The following MYOM3 variants were observed in gnomAD, a reference collection of about 807,000 sequenced individuals.
The protein encoded by MYOM3 is myomesin 3, also known as myomesin-3.
MYOM3 carries 155 observed loss-of-function variants against 191.7 expected under a neutral mutation model. The ratio of observed to expected loss-of-function variants is 0.81; its 90% CI spans 0.71 to 0.92. MYOM3 has a LOEUF of 0.92. Ranked by LOEUF, MYOM3 falls within the 40% of genes least tolerant of loss-of-function variation. The pLI, the probability that MYOM3 is intolerant of heterozygous loss-of-function variation, is 0.00. For synonymous variants in MYOM3, 757 were observed against 762.9 expected (o/e 0.99, Z 0.13); for missense variants, 1,889 against 1,890.6 (o/e 1.00, Z 0.02).
rs1290222370 is a variant in MYOM3 at position 24,099,739 on chromosome 1, A to G, written c.597T>C (p.Phe199=). Residue 199 remains phenylalanine (F), a synonymous_variant, in exon 6 of 37, where the codon TTT becomes TTC. Transcript: ENST00000374434. ...TGGTGATTCGGTATTTTCCGGCACG[A>G]AAGAGGCGGGGATCAATCCGTGTGT... ...KNDTRIDPRL[F]RAGKYRITNN... 1.9e-6 allele frequency: 3 copies of G among 1,614,016 alleles called. No homozygotes were observed. Among genetic ancestry groups the G allele is most frequent in the African/African-American group, 1.3e-5 (1 of 74,906 alleles).
chr1:24,073,007 T>C (rs1643550512), intron 23 of MYOM3, among the ~76,000 whole-genome samples: 1 of 152,196 alleles, frequency 6.6e-6, no homozygotes, highest in African/African-American at 2.4e-5. Flanking sequence ...ACTATGAGTC[T>C]AGATTCATGG....
In MYOM3 at chr1:24,093,094, A is replaced by C; in HGVS notation, c.943T>G (p.Ser315Ala). The C allele has an allele frequency of 1.2e-6, 2 of 1,608,522 alleles. No individual in the cohort carries two copies. The highest frequency in any genetic ancestry group is 1.7e-5 in the Admixed American group (1 of 59,774). ...TAGAGGATCTTCCGACGTCTCGAGG[A>C]CCTCAGTAGGCTCCCTGTGGAGGGG... ...QWFRDGSLLR[S>A]SRRRKILYTD... Residue 315 changes from serine (S) to alanine (A), a missense_variant, in exon 10 of 37, where the codon TCC becomes GCC. By Grantham distance (99) the Ser-to-Ala change is moderately conservative (BLOSUM62 1). Coordinates refer to ENST00000374434, the MANE Select transcript of MYOM3 (RefSeq NM_152372.4).
chr1:24,097,160 G>A (rs1477887739), intron 7 of MYOM3, among the ~76,000 whole-genome samples: 1 of 152,218 alleles, frequency 6.6e-6, no homozygotes, highest in East Asian at 1.9e-4. Context: ...CCCACATGGG[G>A]CAGTGGGGGT....
Position 24,080,021 on chromosome 1 carries a change from G to T in MYOM3, c.2581C>A (p.Leu861Met). 1 of 1,610,118 alleles carries T rather than the reference G, an allele frequency of 6.2e-7. No homozygotes were observed. The highest frequency in any genetic ancestry group is 8.5e-7 in the Non-Finnish European group (1 of 1,178,254). The change falls in exon 20 of 37, where the codon CTG (leucine) becomes ATG (methionine). Residue 861 changes from leucine to methionine, a missense_variant. Leu to Met is a conservative substitution (Grantham distance 15). Transcript: ENST00000374434. ...ATGAAGGCATAAGAACTTACCCTCA[G>T]GTGGGTGCCAGAGATGGGGCCTGGG... ...VTPGPISGTH[L>M]RVSDLQPGKS...
rs749335960 is a variant in MYOM3 at position 24,063,536 on chromosome 1, G to C, written c.3623-6C>G. 1.2e-6 allele frequency: 2 copies of C among 1,614,102 alleles called. No homozygotes were observed. The highest frequency in any genetic ancestry group is 1.7e-6 in the Non-Finnish European group (2 of 1,179,990). On this transcript the variant is annotated splice_polypyrimidine_tract_variant and splice_region_variant and intron_variant, in intron 30 of 36. Coordinates refer to ENST00000374434, the MANE Select transcript of MYOM3 (RefSeq NM_152372.4). The surrounding 1 kb of genome is among the most constrained non-coding windows in gnomAD (Gnocchi z 4.5). ...GGTGAAGATGGCATCCAGGGCTGGC[G>C]GGAAACAGAGAGAAGGGTTAGCTGG...
At position 24,072,022 on chromosome 1, in the gene MYOM3, G is replaced by A. The variant is rs571471072; in HGVS notation, c.2969-9C>T. 2.5e-6 allele frequency: 4 copies of A among 1,613,992 alleles called. No homozygotes were observed. In the African/African-American group the frequency reaches 4.0e-5, roughly 16 times the overall value. On this transcript the variant is annotated splice_polypyrimidine_tract_variant and intron_variant, in intron 23 of 36. Coordinates refer to ENST00000374434, the MANE Select transcript of MYOM3 (RefSeq NM_152372.4). The stretch of plus-strand genomic sequence containing the variant: ...CTTCAGCTTCTCCAGCTCTGGGATA[G>A]GGGGAAGTGAGGAAGAAACCAGAGA...
intron 6 of MYOM3, 100 bp downstream of exon 6, chr1:24,099,580 G>A (rs1322454357): frequency 6.6e-6 from 6 of 913,882 alleles, no homozygotes; most frequent in African/African-American, 1.6e-5. Context: ...TGAAGGAGGT[G>A]AACTTGGGCC....
At position 24,108,528 on chromosome 1, in the gene MYOM3, G is replaced by A; in HGVS notation, c.109C>T (p.Gln37Ter). 6.3e-7 allele frequency: 1 copy of A among 1,579,918 alleles called. No individual in the cohort carries two copies. Among genetic ancestry groups the A allele is most frequent in the Admixed American group, 1.8e-5 (1 of 54,796 alleles). The change falls in exon 2 of 37, where the codon CAG (glutamine) becomes TAG (stop). Residue 37 changes from glutamine (Q) to a stop codon, truncating the protein, a stop_gained. Coordinates refer to ENST00000374434, the MANE Select transcript of MYOM3 (RefSeq NM_152372.4). LOFTEE classifies it high-confidence loss of function. ...GAGGAGCCCATGCGCAGGCTGTGCTGCCGCTCCTCCTTCTGCTCCTCCTCC... is the reference window on the plus strand; with the variant it reads ...GAGGAGCCCATGCGCAGGCTGTGCTACCGCTCCTCCTTCTGCTCCTCCTCC... ...RQEEEQKEER[Q>*]HSLRMGSSVR...
chr1:24,067,435 C>CTTTGA (rs1643463948), intron 27 of MYOM3, among the ~76,000 whole-genome samples: 1 of 108,436 alleles, frequency 9.2e-6, no homozygotes, highest in Non-Finnish European at 1.9e-5. Flanking sequence ...TCCTTCCTTC[C>CTTTGA]TTCCTTCCTT....
At chr1:24,075,275 T>G (rs974183253) in intron 22 of MYOM3, 44 bp downstream of exon 22, 1 of 1,601,958 alleles carries the variant, frequency 6.2e-7, no homozygotes, top group East Asian at 2.2e-5. Context: ...TCTGACAGTA[T>G]TTGGGTCCCG....
At chr1:24,108,104 C>T (rs1644000333) in intron 2 of MYOM3, 31 bp from the exon 3 acceptor site, 2 of 1,606,134 alleles carry the variant, frequency 1.2e-6, no homozygotes, top group South Asian at 1.1e-5. Flanking sequence ...GTAAATGGCT[C>T]TTGCAGGATT....
Position 24,093,031 on chromosome 1 carries a change from A to C in MYOM3, c.1006T>G (p.Tyr336Asp). 2 of 1,613,064 alleles carry C rather than the reference A, an allele frequency of 1.2e-6. No individual in the cohort carries two copies. The highest frequency in any genetic ancestry group is 2.2e-5 in the South Asian group (2 of 91,022). ...ATGTAGAGCCCCTCGTCCTCCTTGT[A>C]GGTGCAGGACACCTTCAGGGATGCC... The part of the protein sequence containing the change: ...RQASLKVSCT[Y>D]KEDEGLYMVR... The change falls in exon 10 of 37, where the codon TAC (tyrosine) becomes GAC (aspartate). Residue 336 changes from tyrosine (Y) to aspartate (D), a missense_variant. Tyr to Asp is a radical substitution (Grantham distance 160). Transcript: ENST00000374434.
At position 24,063,116 on chromosome 1, in the gene MYOM3, G is replaced by A. The variant is rs759450660; in HGVS notation, c.3770+10C>T. ...AGCCTGGCTGGGGTTCTGGGGCAAG[G>A]CGGACTTACTTGTGGAACCAGGTGG... On this transcript the variant is annotated intron_variant, in intron 32 of 36. Coordinates refer to ENST00000374434, the MANE Select transcript of MYOM3 (RefSeq NM_152372.4). The surrounding 1 kb of genome is among the most constrained non-coding windows in gnomAD (Gnocchi z 4.5). 111 of 1,590,182 alleles carry A rather than the reference G, an allele frequency of 7.0e-5. No homozygotes were observed. The highest frequency in any genetic ancestry group is 9.0e-5 in the Non-Finnish European group (104 of 1,159,258).
intron 29 of MYOM3, chr1:24,064,373 G>A: frequency 1.9e-6 from 1 of 531,352 alleles, no homozygotes; most frequent in Non-Finnish European, 3.4e-6. Context: ...CTAGCTCGGG[G>A]CTTGTCTGGG....
chr1:24,092,325 G>C lies in MYOM3; in HGVS notation c.1091-10C>G. On this transcript the variant is annotated splice_polypyrimidine_tract_variant and intron_variant, in intron 10 of 36. Transcript: ENST00000374434. Reference sequence around the variant, plus strand: ...TTCTCGGCCTCGGCATCTGAAACCCGGGGGTGAGAGGGAGGCCCTTCTAGT... The same window carrying C: ...TTCTCGGCCTCGGCATCTGAAACCCCGGGGTGAGAGGGAGGCCCTTCTAGT... The C allele has an allele frequency of 3.0e-6, 4 of 1,350,060 alleles. No individual in the cohort carries two copies. The highest frequency in any genetic ancestry group is 2.9e-6 in the Non-Finnish European group (3 of 1,041,972). 83.6% of individuals were successfully genotyped at this position (1,350,060 alleles called of 1,614,324 possible).
At chr1:24,105,634 C>T (rs1643975617) in intron 5 of MYOM3, among the ~76,000 whole-genome samples, 1 of 152,230 alleles carries the variant, frequency 6.6e-6, no homozygotes, top group South Asian at 2.1e-4. Context: ...TGGCTTGTGC[C>T]TGTGGTCCCA....
intron 7 of MYOM3, among the ~76,000 whole-genome samples, chr1:24,096,180 GT>G (rs1643877582): frequency 6.6e-6 from 1 of 152,216 alleles, no homozygotes; most frequent in South Asian, 2.1e-4. Flanking sequence ...CCTGAGCAAG[GT>G]CCAGAGAAGG....
Position 24,086,669 on chromosome 1 carries a change from T to C in MYOM3, c.1773A>G (p.Glu591=), listed in dbSNP as rs6424152. The part of the protein sequence containing the change: ...YGLSDPSEPS[E]PIALRGPPAT... ...CTGGCGGGCCCCGCAAGGCGATGGG[T>C]TCGCTGGGCTCCGAGGGATCGCTCA... is the stretch of plus-strand genomic sequence containing the variant. The change falls in exon 15 of 37, where the codon GAA becomes GAG. Residue 591 remains glutamate (E), a synonymous_variant. Transcript: ENST00000374434. 681,254 of 1,613,430 alleles carry C rather than the reference T, an allele frequency of 0.42. 146,625 individuals carry two copies. The highest frequency in any genetic ancestry group is 0.48 in the East Asian group (21,342 of 44,812).
intron 23 of MYOM3, among the ~76,000 whole-genome samples, chr1:24,072,331 T>C (rs1643542315): frequency 6.6e-6 from 1 of 152,152 alleles, no homozygotes; most frequent in Non-Finnish European, 1.5e-5. Context: ...TATACTTCAT[T>C]AGTCCTCTGC....
Sources: allele counts gnomAD v4.1 joint callset (sites outside exome capture counted in the v4.1 genomes callset), GRCh38; gene constraint gnomAD v4.1.1; non-coding constraint Gnocchi (gnomAD v3.1); transcripts MANE v1.5; gene names NCBI Gene and HGNC (gene_info 2026-07-23, HGNC 2026-07-21).